EPB41L5: variants seen among roughly 807,000 people sequenced by gnomAD.
EPB41L5 encodes band 4.1-like protein 5.
EPB41L5 carries 55 observed loss-of-function variants against 106.6 expected under a neutral mutation model. The observed-to-expected ratio is 0.52, with a 90% confidence interval of 0.42 to 0.65. The LOEUF (loss-of-function observed/expected upper bound fraction) is 0.65, where lower values mean the gene tolerates loss of function less well. Among genes scored for constraint, EPB41L5 ranks in the 30% least tolerant of loss-of-function variants. EPB41L5 has a pLI of 0.00. For missense variants in EPB41L5, 871 were observed against 882.1 expected (o/e 0.99, Z 0.16); for synonymous variants, 297 against 306.7 (o/e 0.97, Z 0.33).
chr2:120,165,198 A>ATAT (rs1286485874), intron 22 of EPB41L5, among the ~76,000 whole-genome samples: 1 of 152,240 alleles, frequency 6.6e-6, no homozygotes, highest in Non-Finnish European at 1.5e-5. Flanking sequence ...CAATAAGGAT[A>ATAT]TATTTAATTT....
chr2:120,123,706 A>G (rs934400874), intron 16 of EPB41L5, among the ~76,000 whole-genome samples: 4 of 117,030 alleles, frequency 3.4e-5, no homozygotes, highest in African/African-American at 1.3e-4. Flanking sequence ...TGCCCAGGCT[A>G]GAGTGTAGTG....
chr2:120,149,163 T>G (rs1686553537), intron 20 of EPB41L5, among the ~76,000 whole-genome samples: 1 of 152,202 alleles, frequency 6.6e-6, no homozygotes, highest in African/African-American at 2.4e-5. Context: ...AAATGTCTAT[T>G]CAGATCATTT....
At chr2:120,073,280 G>T in intron 4 of EPB41L5, 60 bp downstream of exon 4, 1 of 1,311,974 alleles carries the variant, frequency 7.6e-7, no homozygotes, top group South Asian at 1.3e-5. Flanking sequence ...TAGAAATTCT[G>T]ATTTCTAATA....
intron 16 of EPB41L5, chr2:120,108,203 AC>A (rs912635304): frequency 6.6e-6 from 1 of 152,052 alleles, no homozygotes; most frequent in Admixed American, 6.6e-5. Flanking sequence ...TTTGTTCCTG[AC>A]AGCTGGCCAG....
At chr2:120,138,936 T>C (rs1686053022) in intron 18 of EPB41L5, among the ~76,000 whole-genome samples, 2 of 152,018 alleles carry the variant, frequency 1.3e-5, no homozygotes, top group African/African-American at 2.4e-5. Context: ...CAAATTATAC[T>C]ACAGAGCTAT....
At chr2:120,044,090 T>A (rs1679608113) in intron 3 of EPB41L5, among the ~76,000 whole-genome samples, 1 of 149,642 alleles carries the variant, frequency 6.7e-6, no homozygotes, top group Admixed American at 6.7e-5. Context: ...CAGTGAGCTG[T>A]GATCATGCCA....
chr2:120,051,577 T>C (rs1403779106), intron 3 of EPB41L5, among the ~76,000 whole-genome samples: 1 of 152,244 alleles, frequency 6.6e-6, no homozygotes, highest in Non-Finnish European at 1.5e-5. Context: ...TTACCTGATT[T>C]TCCAGGTGCC....
intron 3 of EPB41L5, among the ~76,000 whole-genome samples, chr2:120,062,735 T>TA (rs1681169526): frequency 1.3e-5 from 2 of 152,332 alleles, no homozygotes; most frequent in South Asian, 4.1e-4. Flanking sequence ...TTATGGGGTT[T>TA]GAGGCAATAG....
intron 20 of EPB41L5, chr2:120,160,607 C>T (rs1233081600): frequency 6.4e-6 from 2 of 310,354 alleles, no homozygotes; most frequent in East Asian, 5.9e-5. Flanking sequence ...TACTAATTTA[C>T]ATTCCCACCA....
At chr2:120,142,035 C>T (rs1035181618) in intron 18 of EPB41L5, among the ~76,000 whole-genome samples, 1 of 150,628 alleles carries the variant, frequency 6.6e-6, no homozygotes, top group Non-Finnish European at 1.5e-5. Context: ...TTTGAGATGC[C>T]GTGATTCTAG....
At chr2:120,070,215 A>C (rs1003614394) in intron 3 of EPB41L5, among the ~76,000 whole-genome samples, 1 of 152,216 alleles carries the variant, frequency 6.6e-6, no homozygotes, top group Non-Finnish European at 1.5e-5. Context: ...CTACACAAAT[A>C]AACTAGAAAA....
chr2:120,102,437 G>A (rs114789812), intron 16 of EPB41L5, among the ~76,000 whole-genome samples: 3,317 of 152,184 alleles, frequency 0.022, 65 homozygotes, highest in Non-Finnish European at 0.033. Context: ...GGTCAACAAG[G>A]GCATGGAACT....
At chr2:120,161,585 T>C (rs557492719) in intron 21 of EPB41L5, among the ~76,000 whole-genome samples, 1 of 152,320 alleles carries the variant, frequency 6.6e-6, no homozygotes, top group African/African-American at 2.4e-5. Context: ...GACTAAGTGC[T>C]TCTTAGATGA....
At chr2:120,109,661 A>G (rs139423458) in intron 16 of EPB41L5, among the ~76,000 whole-genome samples, 1 of 152,236 alleles carries the variant, frequency 6.6e-6, no homozygotes, top group Non-Finnish European at 1.5e-5. Flanking sequence ...TTCCCTTTCT[A>G]CTGAAGTATT....
intron 3 of EPB41L5, among the ~76,000 whole-genome samples, chr2:120,066,559 A>G (rs543618628): frequency 3.5e-4 from 53 of 152,280 alleles, no homozygotes; most frequent in African/African-American, 1.3e-3. Flanking sequence ...CTTTGATGAA[A>G]TTTCTTGTAG....
intron 7 of EPB41L5, among the ~76,000 whole-genome samples, chr2:120,076,147 T>A (rs1362021371): frequency 1.3e-5 from 2 of 152,220 alleles, no homozygotes; most frequent in African/African-American, 4.8e-5. Context: ...AGTACATACA[T>A]GTTTGTGCAT....
At chr2:120,051,705 A>G (rs949153797) in intron 3 of EPB41L5, among the ~76,000 whole-genome samples, 11 of 152,154 alleles carry the variant, frequency 7.2e-5, no homozygotes, top group African/African-American at 2.7e-4. Flanking sequence ...CCACTGTCCA[A>G]CAAGCCCCAG....
chr2:120,024,525 C>T (rs552012422), intron 2 of EPB41L5, among the ~76,000 whole-genome samples: 102 of 152,184 alleles, frequency 6.7e-4, no homozygotes, highest in Admixed American at 4.1e-3. Flanking sequence ...GGCGTGATCT[C>T]AGCTCACTGC....
At chr2:120,084,433 A>G (rs1271987600) in intron 10 of EPB41L5, among the ~76,000 whole-genome samples, 1 of 152,144 alleles carries the variant, frequency 6.6e-6, no homozygotes, top group Non-Finnish European at 1.5e-5. Context: ...TCTTTTCTCT[A>G]AGAATGTTGA....
Sources: allele counts gnomAD v4.1 joint callset (sites outside exome capture counted in the v4.1 genomes callset), GRCh38; gene constraint gnomAD v4.1.1; transcripts MANE v1.5; gene names NCBI Gene and HGNC (gene_info 2026-07-23, HGNC 2026-07-21).